Variants in TG observed in about 807,000 individuals in gnomAD.
TG encodes the protein thyroid hormones.
A neutral mutation model predicts 324.7 loss-of-function variants in TG; 270 were observed. That is an observed-to-expected ratio of 0.83 (90% CI 0.75 to 0.92). The LOEUF is 0.92. Ranked by LOEUF, TG falls within the 40% of genes least tolerant of loss-of-function variation. TG has a pLI of 0.00. For synonymous variants in TG, 1,401 were observed against 1,327.0 expected (o/e 1.06, Z -1.21); for missense variants, 3,591 against 3,456.4 (o/e 1.04, Z -0.98).
rs532244675 is a variant in TG at position 132,898,283 on chromosome 8, C to T, written c.3217+37C>T. On this transcript the variant is annotated intron_variant, in intron 13 of 47. Transcript: ENST00000220616. The stretch of plus-strand genomic sequence containing the variant: ...CTGCAGAGTTCTCCTCCTGACCCCC[C>T]TTGGTGGGCATCACTGGTCTAGTCA... 5 of 1,550,684 alleles carry T rather than the reference C, an allele frequency of 3.2e-6. No homozygotes were observed. In the African/African-American group the frequency reaches 6.8e-5, roughly 21 times the overall value.
At chr8:132,963,279 A>G (rs1439435344) in intron 29 of TG, among the ~76,000 whole-genome samples, 1 of 152,248 alleles carries the variant, frequency 6.6e-6, no homozygotes, top group Non-Finnish European at 1.5e-5. Flanking sequence ...AAGTAAGGCA[A>G]AATCACTGCA....
intron 41 of TG, among the ~76,000 whole-genome samples, chr8:133,082,601 C>T (rs757873590): frequency 2.2e-4 from 34 of 152,286 alleles, no homozygotes; most frequent in Non-Finnish European, 3.2e-4. Context: ...AAGGCCTTTG[C>T]GGCTAGCTTC....
At chr8:132,972,039 A>G (rs1013920496) in intron 33 of TG, among the ~76,000 whole-genome samples, 166 bp downstream of exon 33, 7 of 152,222 alleles carry the variant, frequency 4.6e-5, no homozygotes, top group Non-Finnish European at 8.8e-5. Flanking sequence ...GGTAGCTGAG[A>G]CATGGCTCCT....
chr8:132,895,793 G>C (rs1817004893), intron 11 of TG, among the ~76,000 whole-genome samples: 1 of 152,258 alleles, frequency 6.6e-6, no homozygotes, highest in African/African-American at 2.4e-5. Flanking sequence ...ACTTTGGTCA[G>C]GGAGGGAAAT....
Position 133,003,202 on chromosome 8 carries a change from A to C in TG, c.6263-8699A>C, listed in dbSNP as rs1833705750. 3 of 203,490 alleles carry C rather than the reference A, an allele frequency of 1.5e-5. No individual in the cohort carries two copies. In the South Asian group the frequency reaches 5.1e-4, roughly 35 times the overall value. The allele number at this position is 203,490 out of a possible 1,614,324, so 12.6% of individuals were successfully genotyped here. On this transcript the variant is annotated intron_variant, in intron 35 of 47. Coordinates refer to ENST00000220616, the MANE Select transcript of TG (RefSeq NM_003235.5). ...GATGTCTGGGAAGGAAGAAACAAAA[A>C]AAGAAAGAGAAGAAAGGAAATAAGG...
At chr8:132,955,764 G>A (rs1038348558) in intron 27 of TG, among the ~76,000 whole-genome samples, 10 of 152,172 alleles carry the variant, frequency 6.6e-5, no homozygotes, top group East Asian at 5.8e-4. Flanking sequence ...GTGCTTTTCC[G>A]TTTAGGATCC....
At chr8:133,083,016 C>T (rs990049252) in intron 41 of TG, among the ~76,000 whole-genome samples, 4 of 152,096 alleles carry the variant, frequency 2.6e-5, no homozygotes, top group South Asian at 2.1e-4. Context: ...CACTTAGTGG[C>T]GTGGGGCAGA....
intron 35 of TG, among the ~76,000 whole-genome samples, chr8:132,993,563 A>C (rs1832588608): frequency 6.6e-6 from 1 of 152,170 alleles, no homozygotes; most frequent in South Asian, 2.1e-4. Flanking sequence ...TACCAGTTCT[A>C]ATGGGGTCCT....
intron 27 of TG, among the ~76,000 whole-genome samples, chr8:132,957,742 TACACACACACACACAC>T (rs6150825): frequency 7.2e-5 from 3 of 41,550 alleles, no homozygotes; most frequent in Non-Finnish European, 1.5e-4. Flanking sequence ...CATGGTAAAC[TACACACACACACACAC>T]ACACACACAC....
At chr8:132,944,463 G>T (rs1824933703) in intron 26 of TG, among the ~76,000 whole-genome samples, 1 of 152,134 alleles carries the variant, frequency 6.6e-6, no homozygotes, top group South Asian at 2.1e-4. Flanking sequence ...CTCCCTGGTG[G>T]ATTCGAACTC....
intron 16 of TG, among the ~76,000 whole-genome samples, chr8:132,904,178 C>T (rs188959181): frequency 3.3e-5 from 5 of 152,184 alleles, no homozygotes; most frequent in Non-Finnish European, 7.3e-5. Flanking sequence ...TCCAGCCCCA[C>T]AGAGTTGTTG....
chr8:132,884,316 A>C (rs1039904190), intron 8 of TG, among the ~76,000 whole-genome samples: 1 of 152,234 alleles, frequency 6.6e-6, no homozygotes, highest in Non-Finnish European at 1.5e-5. Flanking sequence ...CATTCGAGCC[A>C]GACCCCATTT....
intron 35 of TG, among the ~76,000 whole-genome samples, chr8:132,997,769 T>C (rs1833019150): frequency 1.3e-5 from 2 of 152,198 alleles, no homozygotes; most frequent in South Asian, 2.1e-4. Flanking sequence ...AGAACAAGAT[T>C]GACAGCTAAA....
chr8:133,024,312 TTCTTTCTTTC>T (rs1332207887), intron 40 of TG, among the ~76,000 whole-genome samples: 20 of 15,704 alleles, frequency 1.3e-3, no homozygotes, highest in Non-Finnish European at 2.2e-3. Flanking sequence ...GCCATTTTCT[TTCTTTCTTTC>T]TTTCTTTCTT....
intron 35 of TG, among the ~76,000 whole-genome samples, chr8:132,992,687 G>A (rs1832485120): frequency 6.6e-6 from 1 of 152,168 alleles, no homozygotes; most frequent in Admixed American, 6.5e-5. Flanking sequence ...GCTGCTGGCA[G>A]AGAGACCACT....
chr8:133,054,576 T>C (rs1841012527), intron 41 of TG, among the ~76,000 whole-genome samples: 1 of 152,366 alleles, frequency 6.6e-6, no homozygotes, highest in African/African-American at 2.4e-5. Flanking sequence ...ATTATTTTCA[T>C]GGAGAGCGGG....
intron 31 of TG, among the ~76,000 whole-genome samples, chr8:132,968,507 T>C (rs1427254944): frequency 6.6e-6 from 1 of 152,252 alleles, no homozygotes; most frequent in South Asian, 2.1e-4. Context: ...AGATTTTTTT[T>C]AACCCCATAC....
chr8:132,884,523 C>T (rs2132142644), intron 8 of TG, among the ~76,000 whole-genome samples: 1 of 152,294 alleles, frequency 6.6e-6, no homozygotes, highest in East Asian at 1.9e-4. Context: ...TTCCATTTGT[C>T]CCACTTAACC....
intron 43 of TG, among the ~76,000 whole-genome samples, chr8:133,113,046 T>A (rs75316283): frequency 2.2e-3 from 331 of 152,334 alleles, no homozygotes; most frequent in African/African-American, 7.6e-3. Context: ...ATGAGTTGGC[T>A]GAGCAAGGAG....
Sources: allele counts gnomAD v4.1 joint callset (sites outside exome capture counted in the v4.1 genomes callset), GRCh38; gene constraint gnomAD v4.1.1; transcripts MANE v1.5; gene names NCBI Gene and HGNC (gene_info 2026-07-23, HGNC 2026-07-21).